Variants in TXNRD1 observed in about 807,000 individuals in gnomAD.
TXNRD1 encodes thioredoxin reductase 1.
Under a neutral mutation model 80.3 loss-of-function variants are expected in TXNRD1, and 57 were observed. The ratio of observed to expected loss-of-function variants is 0.71; its 90% confidence interval spans 0.57 to 0.89. The LOEUF is 0.89. Ranked by LOEUF, TXNRD1 falls within the 40% of genes least tolerant of loss-of-function variation. The pLI is 0.00. For missense variants in TXNRD1, 730 were observed against 803.0 expected (o/e 0.91, Z 1.10); for synonymous variants, 291 against 285.2 (o/e 1.02, Z -0.20).
At chr12:104,275,941 A>G (rs1203026590) in intron 3 of TXNRD1, among the ~76,000 whole-genome samples, 9 of 152,108 alleles carry the variant, frequency 5.9e-5, no homozygotes, top group African/African-American at 2.2e-4. Context: ...TCACCATTTT[A>G]TAGATGAGTA....
intron 4 of TXNRD1, chr12:104,310,105 T>C (rs1479911321): frequency 2.2e-5 from 33 of 1,492,354 alleles, no homozygotes; most frequent in Middle Eastern, 1.7e-4. Context: ...GGCTGGTAAG[T>C]TTGGGGGCTT....
chr12:104,261,640 C>T (rs949173635), intron 3 of TXNRD1, among the ~76,000 whole-genome samples: 1 of 152,152 alleles, frequency 6.6e-6, no homozygotes, highest in Non-Finnish European at 1.5e-5. Flanking sequence ...TCTGCCAAAA[C>T]AACGTATATT....
intron 11 of TXNRD1, 146 bp from the exon 12 acceptor site, chr12:104,326,201 C>T (rs1737373129): frequency 1.7e-6 from 1 of 605,408 alleles, no homozygotes; most frequent in Non-Finnish European, 2.9e-6. Flanking sequence ...TTTATTTAAA[C>T]TCTTGCATTA....
At chr12:104,237,584 C>T (rs2032766166) in intron 1 of TXNRD1, among the ~76,000 whole-genome samples, 1 of 152,222 alleles carries the variant, frequency 6.6e-6, no homozygotes, top group South Asian at 2.1e-4. Flanking sequence ...CCAAGGGTTT[C>T]ACCCTAAAGC....
intron 3 of TXNRD1, among the ~76,000 whole-genome samples, chr12:104,266,636 T>C (rs1195530113): frequency 6.7e-6 from 1 of 150,348 alleles, no homozygotes; most frequent in Non-Finnish European, 1.5e-5. Flanking sequence ...ATCAAGACCA[T>C]CCTGGCTAAC....
chr12:104,247,813 T>A (rs1284501524), intron 1 of TXNRD1, among the ~76,000 whole-genome samples: 6 of 152,218 alleles, frequency 3.9e-5, no homozygotes, highest in Non-Finnish European at 8.8e-5. Context: ...TAAGGAATTG[T>A]CACCTGCTTT....
At position 104,289,007 on chromosome 12, in the gene TXNRD1, G is replaced by C. The variant is rs756140350; in HGVS notation, c.381G>C (p.Gln127His). 19 of 1,613,996 alleles carry C rather than the reference G, an allele frequency of 1.2e-5. No homozygotes were observed. The highest frequency in any genetic ancestry group is 1.7e-5 in the Admixed American group (1 of 59,992). The change falls in exon 4 of 17, where the codon CAG becomes CAC. Residue 127 changes from glutamine (Q) to histidine (H), a missense_variant. By Grantham distance (24) the Gln-to-His change is conservative (BLOSUM62 0). Transcript: ENST00000525566. ...ETDLPVVFVK[Q>H]RKIGGHGPTL... ...ATCTGCCCGTTGTGTTTGTGAAACA[G>C]AGAAAGATAGGCGGCCATGGTCCAA...
chr12:104,287,294 T>C (rs2034003114), intron 3 of TXNRD1: 2 of 1,613,946 alleles, frequency 1.2e-6, no homozygotes, highest in East Asian at 2.2e-5. Flanking sequence ...CCAGGCAGCT[T>C]CGTGGCGTGT....
chr12:104,295,474 C>T (rs903579369), intron 4 of TXNRD1, among the ~76,000 whole-genome samples: 45 of 152,280 alleles, frequency 3.0e-4, no homozygotes, highest in African/African-American at 8.9e-4. Flanking sequence ...GCATCCAGAA[C>T]GAAATGGGAG....
chr12:104,239,548 T>C (rs1423865657), intron 1 of TXNRD1, among the ~76,000 whole-genome samples: 1 of 149,362 alleles, frequency 6.7e-6, no homozygotes, highest in Non-Finnish European at 1.5e-5. Context: ...ATAAGTCTAT[T>C]TAGCTTCTCA....
At chr12:104,313,438 C>A (rs2035210706) in intron 6 of TXNRD1, 121 bp downstream of exon 6, 2 of 690,842 alleles carry the variant, frequency 2.9e-6, no homozygotes, top group Non-Finnish European at 4.7e-6. Flanking sequence ...AAAAACAGCC[C>A]CAAAACATAT....
At chr12:104,304,038 AGAAGT>A in intron 4 of TXNRD1, 1 of 1,613,536 alleles carries the variant, frequency 6.2e-7, no homozygotes, top group East Asian at 2.2e-5. Flanking sequence ...GCTGACGAGG[AGAAGT>A]GCCGCAGCAT....
rs528767256 is a variant in TXNRD1, at chr12:104,232,057, C to T, written c.91+16164C>T. 3.9e-5 allele frequency among the ~76,000 whole-genome samples: 6 copies of T among 152,266 alleles called. No individual in the cohort carries two copies. In the East Asian group the frequency reaches 1.2e-3, roughly 29 times the overall value. On this transcript the variant is annotated intron_variant, in intron 1 of 16. Coordinates refer to ENST00000525566, the MANE Select transcript of TXNRD1 (RefSeq NM_001093771.3). ...GAATAAACTTTAGTCTTATACTTGGCCTGATTATTTGCATAAAGTGCAGCA... is the reference window on the plus strand; with the variant it reads ...GAATAAACTTTAGTCTTATACTTGGTCTGATTATTTGCATAAAGTGCAGCA...
rs1295335127 is a variant in TXNRD1 at position 104,319,066 on chromosome 12, G to A, written c.873+11G>A. ...CCTCACAGGATTAAGGTAATTGTGT[G>A]ACATCCTGACTAGCTTTTTTTTTTT... On this transcript the variant is annotated intron_variant, in intron 8 of 16. Transcript: ENST00000525566. 6.3e-7 allele frequency: 1 copy of A among 1,589,240 alleles called. No individual in the cohort carries two copies.
At chr12:104,313,877 T>A (rs926993264) in intron 6 of TXNRD1, among the ~76,000 whole-genome samples, 1 of 152,166 alleles carries the variant, frequency 6.6e-6, no homozygotes, top group African/African-American at 2.4e-5. Flanking sequence ...GTAAGCGGTA[T>A]TGAAAAAATT....
intron 15 of TXNRD1, among the ~76,000 whole-genome samples, chr12:104,337,707 A>C (rs953213490): frequency 6.6e-6 from 1 of 151,958 alleles, no homozygotes; most frequent in African/African-American, 2.4e-5. Flanking sequence ...AAACAAAACA[A>C]AACAAAAATG....
chr12:104,339,313 T>C (rs2036246149), intron 16 of TXNRD1, 40 bp downstream of exon 16: 2 of 1,612,678 alleles, frequency 1.2e-6, no homozygotes, highest in Non-Finnish European at 8.5e-7. Context: ...ATGTTTAAAA[T>C]GTGCCACATA....
chr12:104,304,869 A>G (rs1456606651), intron 4 of TXNRD1: 3 of 1,613,304 alleles, frequency 1.9e-6, no homozygotes, highest in East Asian at 2.2e-5. Context: ...TTGACTTTAC[A>G]GGAGTGGAAA....
At chr12:104,330,843 C>T (rs1177254657) in intron 13 of TXNRD1, among the ~76,000 whole-genome samples, 1 of 152,148 alleles carries the variant, frequency 6.6e-6, no homozygotes, top group African/African-American at 2.4e-5. Context: ...TAGCCTCAGC[C>T]TCCCAAAGTG....
Sources: gnomAD v4.1 joint callset for allele counts (sites outside exome capture counted in the v4.1 genomes callset) on GRCh38, gnomAD v4.1.1 for gene constraint, MANE v1.5 for transcripts, NCBI Gene and HGNC (gene_info 2026-07-23, HGNC 2026-07-21) for gene names.